Variants in PAK1 observed in about 807,000 individuals in gnomAD.
PAK1 encodes the protein p21 (RAC1) activated kinase 1.
Under a neutral mutation model 67.4 loss-of-function variants are expected in PAK1, and 29 were observed. The observed-to-expected ratio is 0.43, with a 90% CI of 0.32 to 0.59. PAK1 has a LOEUF of 0.59. Ranked by LOEUF, PAK1 falls within the 20% of genes least tolerant of loss-of-function variation. PAK1 has a pLI of 0.07. For synonymous variants in PAK1, 223 were observed against 237.4 expected, an observed-to-expected ratio of 0.94 and a Z score of 0.56; for missense variants, 337 against 670.7, an observed-to-expected ratio of 0.50 and a Z score of 5.50.
At chr11:77,520,001 GGC>G in the PAK1 span, among the ~76,000 whole-genome samples, 3 of 139,064 alleles carry the variant, frequency 2.2e-5, no homozygotes, top group African/African-American at 8.4e-5. Context: ...CCTGGCCTGT[GGC>G]CCCCCCCTCC....
chr11:77,346,270 C>A (rs1944407539), intron 9 of PAK1, among the ~76,000 whole-genome samples: 1 of 152,178 alleles, frequency 6.6e-6, no homozygotes, highest in South Asian at 2.1e-4. Context: ...CCGCGCCTGG[C>A]CAGGAGTCCT....
In PAK1 at chr11:77,322,359, G is replaced by A. The variant is rs956886233; in HGVS notation, c.*915C>T. 5.1e-6 allele frequency: 1 copy of A among 195,798 alleles called. No individual in the cohort carries two copies. The highest frequency in any genetic ancestry group is 2.3e-5 in the African/African-American group (1 of 43,238). The allele number at this position is 195,798 out of a possible 1,614,324, so 12.1% of individuals were successfully genotyped here. On this transcript the variant is annotated 3_prime_UTR_variant, in exon 15 of 15. Coordinates refer to ENST00000356341, the MANE Select transcript of PAK1 (RefSeq NM_002576.5). ...CTCTTTATTGTGACCAAAAGATTTG[G>A]ACCATTAGAAGATCCAAGTTAATCT...
chr11:77,523,523 G>T, the PAK1 span, among the ~76,000 whole-genome samples: 1 of 151,388 alleles, frequency 6.6e-6, no homozygotes, highest in Non-Finnish European at 1.5e-5. Flanking sequence ...AGATTCAAGC[G>T]ATTTTCCTGC....
chr11:77,500,520 C>T, the PAK1 span, among the ~76,000 whole-genome samples: 1 of 152,024 alleles, frequency 6.6e-6, no homozygotes, highest in East Asian at 1.9e-4. Flanking sequence ...CCTCCAATTC[C>T]ACGTCTTGTG....
chr11:77,489,790 G>T, the PAK1 span, among the ~76,000 whole-genome samples: 4 of 151,880 alleles, frequency 2.6e-5, no homozygotes, highest in Admixed American at 6.5e-5. Context: ...GCGTGATCTC[G>T]GCTCGCTACA....
the PAK1 span, among the ~76,000 whole-genome samples, chr11:77,490,290 G>GCCCC: frequency 1.1e-4 from 9 of 80,624 alleles, 1 homozygote; most frequent in East Asian, 1.2e-3. Flanking sequence ...GTGGGGGTCA[G>GCCCC]CCCCCCCACC....
At chr11:77,469,687 CTT>C (rs527648240) in intron 1 of PAK1, among the ~76,000 whole-genome samples, 7 of 137,532 alleles carry the variant, frequency 5.1e-5, no homozygotes, top group Admixed American at 1.5e-4. Flanking sequence ...TGTGAAGAGA[CTT>C]TTTTTTTTTT....
intron 14 of PAK1, chr11:77,325,311 C>T: frequency 6.2e-7 from 1 of 1,613,770 alleles, no homozygotes; most frequent in Non-Finnish European, 8.5e-7. Context: ...GGCTGAAATC[C>T]TGGATCTGCT....
At chr11:77,407,730 T>G (rs1380268619) in intron 1 of PAK1, among the ~76,000 whole-genome samples, 2 of 152,134 alleles carry the variant, frequency 1.3e-5, no homozygotes. Flanking sequence ...AGAAATTGAA[T>G]TTAAGTAAAT....
chr11:77,480,736 C>G, the PAK1 span, among the ~76,000 whole-genome samples: 1 of 152,026 alleles, frequency 6.6e-6, no homozygotes, highest in Non-Finnish European at 1.5e-5. Flanking sequence ...GTTGGCCAGA[C>G]AGGTCTTGAG....
intron 5 of PAK1, among the ~76,000 whole-genome samples, chr11:77,364,671 G>C (rs901257382): frequency 6.6e-6 from 1 of 152,080 alleles, no homozygotes; most frequent in Admixed American, 6.5e-5. Context: ...AAAGAAACAG[G>C]AAAGCACGAC....
chr11:77,501,177 A>AAAAAAC, the PAK1 span, among the ~76,000 whole-genome samples: 363 of 152,186 alleles, frequency 2.4e-3, 2 homozygotes, highest in African/African-American at 8.4e-3. Flanking sequence ...AACAAAAAAC[A>AAAAAAC]AAAAACAACC....
At chr11:77,323,414 G>C (rs892711007) in intron 14 of PAK1, 54 bp from the exon 15 acceptor site, 4 of 1,183,536 alleles carry the variant, frequency 3.4e-6, no homozygotes, top group Middle Eastern at 3.8e-4. Context: ...TTCTTCCCCA[G>C]TAACCATTAC....
chr11:77,465,908 T>C (rs1957575409), intron 1 of PAK1, among the ~76,000 whole-genome samples: 1 of 152,128 alleles, frequency 6.6e-6, no homozygotes, highest in Admixed American at 6.5e-5. Context: ...ATGATGGAGC[T>C]ACTGTACTCC....
the PAK1 span, among the ~76,000 whole-genome samples, chr11:77,501,361 C>G: frequency 6.6e-6 from 1 of 152,196 alleles, no homozygotes; most frequent in East Asian, 1.9e-4. Flanking sequence ...CTCAGTCTCT[C>G]CACTGACTCC....
chr11:77,335,150 A>T (rs761075132), intron 13 of PAK1, among the ~76,000 whole-genome samples: 2 of 152,212 alleles, frequency 1.3e-5, no homozygotes, highest in Non-Finnish European at 2.9e-5. Flanking sequence ...TCCAACCTGT[A>T]AACAGTGGAA....
chr11:77,359,008 C>A lies in PAK1; in HGVS notation c.487G>T (p.Ala163Ser). The change falls in exon 6 of 15, where the codon GCT (alanine) becomes TCT (serine). Residue 163 changes from alanine (A) to serine (S), a missense_variant. This residue lies in a region of PAK1 where 150 missense variants were observed against 179.0 expected (regional missense o/e 0.84). Transcript: ENST00000356341. ...GGCACTGCAGGAGTCTCAGACACAG[C>A]CTTCACATTCTGTGCAAAGAAGAAA... ...YNSSNALNVKAVSETPAVPPV... is the reference protein window; with the variant it reads ...YNSSNALNVKSVSETPAVPPV... 1 of 1,612,918 alleles carries A rather than the reference C, an allele frequency of 6.2e-7. No individual in the cohort carries two copies. The highest frequency in any genetic ancestry group is 8.5e-7 in the Non-Finnish European group (1 of 1,179,274).
chr11:77,336,224 T>C lies in PAK1; in HGVS notation c.1275A>G (p.Val425=). 2 of 1,614,156 alleles carry C rather than the reference T, an allele frequency of 1.2e-6. No homozygotes were observed. Among genetic ancestry groups the C allele is most frequent in the Non-Finnish European group, 1.7e-6 (2 of 1,179,956 alleles). The change falls in exon 13 of 15, where the codon GTA becomes GTG. Residue 425 remains valine (V), a synonymous_variant. Transcript: ENST00000356341. The stretch of plus-strand genomic sequence containing the variant: ...CTGGTGCCATCCAGTATGGGGTTCC[T>C]ACCATGGTGCTCCGTTTGCTCTGCT... ...TPEQSKRSTM[V]GTPYWMAPEV... is the part of the protein sequence containing the mutation.
At chr11:77,429,111 A>AGGATTC (rs1955740596) in intron 1 of PAK1, among the ~76,000 whole-genome samples, 1 of 141,430 alleles carries the variant, frequency 7.1e-6, no homozygotes, top group Admixed American at 7.2e-5. Context: ...CACACACATC[A>AGGATTC]GGATTCCTTG....
Sources: allele counts gnomAD v4.1 joint callset (sites outside exome capture counted in the v4.1 genomes callset), GRCh38; gene constraint gnomAD v4.1.1; regional missense constraint gnomAD v4.1.1; transcripts MANE v1.5; gene names NCBI Gene and HGNC (gene_info 2026-07-23, HGNC 2026-07-21).